TJP1: variants seen among roughly 807,000 people sequenced by gnomAD.
The protein encoded by TJP1 is tight junction protein ZO-1.
Under a neutral mutation model 194.2 loss-of-function variants are expected in TJP1, and 43 were observed. The ratio of observed to expected loss-of-function variants is 0.22; its 90% CI spans 0.17 to 0.29. The LOEUF (loss-of-function observed/expected upper bound fraction) is 0.29. Ranked by LOEUF, TJP1 falls within the 10% of genes least tolerant of loss-of-function variation. The pLI is 1.00. For synonymous variants in TJP1, 801 were observed against 779.0 expected (o/e 1.03, Z -0.47); for missense variants, 1,971 against 2,185.7 (o/e 0.90, Z 1.96).
At chr15:29,768,309 C>A (rs80268621) in intron 4 of TJP1, among the ~76,000 whole-genome samples, 3,333 of 152,324 alleles carry the variant, frequency 0.022, 121 homozygotes, top group African/African-American at 0.077. Context: ...ATTGGAGCAA[C>A]CCACAGCTGA....
At chr15:29,786,504 C>CTTTTTG (rs1208687145) in intron 2 of TJP1, among the ~76,000 whole-genome samples, 1 of 152,088 alleles carries the variant, frequency 6.6e-6, no homozygotes, top group Non-Finnish European at 1.5e-5. Flanking sequence ...GTTCCATAAA[C>CTTTTTG]TTTTTGTTTT....
At chr15:29,928,010 G>A (rs898583695) in intron 2 of TJP1, among the ~76,000 whole-genome samples, 1 of 151,836 alleles carries the variant, frequency 6.6e-6, no homozygotes, top group Admixed American at 6.6e-5. Context: ...CATCTCGGAG[G>A]AGAAATATCT....
chr15:29,767,895 T>C (rs1345667437), intron 4 of TJP1, among the ~76,000 whole-genome samples: 2 of 152,202 alleles, frequency 1.3e-5, no homozygotes, highest in African/African-American at 2.4e-5. Flanking sequence ...TTCTCATCCC[T>C]ACCTACCTCT....
intron 2 of TJP1, among the ~76,000 whole-genome samples, chr15:29,867,940 C>T (rs543653392): frequency 6.6e-6 from 1 of 151,736 alleles, no homozygotes; most frequent in East Asian, 1.9e-4. Context: ...CCAGTAGTCC[C>T]AGCTACTTGG....
At chr15:29,872,143 G>A (rs1295629454) in intron 2 of TJP1, among the ~76,000 whole-genome samples, 1 of 152,150 alleles carries the variant, frequency 6.6e-6, no homozygotes, top group Admixed American at 6.5e-5. Flanking sequence ...AAGACTCCTT[G>A]ATACCATTTC....
intron 2 of TJP1, among the ~76,000 whole-genome samples, chr15:29,831,210 A>G (rs147164286): frequency 8.7e-4 from 133 of 152,358 alleles, no homozygotes; most frequent in African/African-American, 2.9e-3. Flanking sequence ...AAATAACTCT[A>G]ATTGCTGAGG....
At chr15:29,739,729 G>C (rs1470768989) in intron 10 of TJP1, among the ~76,000 whole-genome samples, 1 of 152,130 alleles carries the variant, frequency 6.6e-6, no homozygotes, top group African/African-American at 2.4e-5. Context: ...ACAGGCATGA[G>C]CCACTGCGCC....
rs1021004269 is a variant in TJP1 at position 29,746,317 on chromosome 15, G to C, written c.1011-3536C>G. Among the ~76,000 whole-genome samples, 6 of 152,110 alleles carry C rather than the reference G, an allele frequency of 3.9e-5. No individual in the cohort carries two copies. In the South Asian group the frequency reaches 1.2e-3, roughly 32 times the overall value. On this transcript the variant is annotated intron_variant, in intron 8 of 27. Transcript: ENST00000614355. ...GGCGTGAACCCGGGAGGCGGAGCTT[G>C]CAGTGAGCCCAGATGGAGCCACTGC...
At chr15:29,743,154 A>G (rs1178856735) in intron 8 of TJP1, 1 of 157,340 alleles carries the variant, frequency 6.4e-6, no homozygotes, top group Non-Finnish European at 1.4e-5. Flanking sequence ...CTGATTTCAG[A>G]TGAAATCAAG....
At chr15:29,909,523 TAAGTCCTTGGAAATATTACC>T (rs2053949300) in intron 2 of TJP1, among the ~76,000 whole-genome samples, 1 of 152,010 alleles carries the variant, frequency 6.6e-6, no homozygotes, top group Non-Finnish European at 1.5e-5. Flanking sequence ...GGAAAGAACC[TAAGTCCTTGGAAATATTACC>T]AAGCCTACCC....
intron 2 of TJP1, among the ~76,000 whole-genome samples, chr15:29,783,271 T>C (rs1178423168): frequency 6.6e-6 from 1 of 151,954 alleles, no homozygotes; most frequent in Non-Finnish European, 1.5e-5. Context: ...CAAAACTCCA[T>C]CTCAAAGAAA....
At chr15:29,821,286 G>C (rs750803481) in intron 1 of TJP1, 4 of 152,128 alleles carry the variant, frequency 2.6e-5, no homozygotes, top group Non-Finnish European at 4.4e-5. Context: ...TTTTTCGGCT[G>C]AACTCACCGG....
At chr15:29,920,179 C>T (rs1023394167) in intron 2 of TJP1, among the ~76,000 whole-genome samples, 15 of 152,190 alleles carry the variant, frequency 9.9e-5, no homozygotes, top group African/African-American at 3.4e-4. Flanking sequence ...CTCACTGGGG[C>T]CTGCTTCAGA....
upstream of TJP1, among the ~76,000 whole-genome samples, chr15:29,826,443 G>A (rs2050678786): frequency 6.6e-6 from 1 of 152,118 alleles, no homozygotes; most frequent in Admixed American, 6.6e-5. Context: ...ACTTTCCTAT[G>A]ATTCCTTTAA....
chr15:29,860,290 C>T (rs1424134093), intron 2 of TJP1, among the ~76,000 whole-genome samples: 2 of 152,156 alleles, frequency 1.3e-5, no homozygotes, highest in Middle Eastern at 3.2e-3. Context: ...CACTCCTGTT[C>T]CCTGGTTCCA....
chr15:29,933,775 G>C (rs1049014955), intron 2 of TJP1, among the ~76,000 whole-genome samples: 11 of 152,112 alleles, frequency 7.2e-5, no homozygotes, highest in African/African-American at 2.4e-4. Flanking sequence ...GAAGAGAGAA[G>C]TAAACAAAAA....
At chr15:29,965,170 TC>T (rs1174998333) in intron 1 of TJP1, among the ~76,000 whole-genome samples, 5 of 149,818 alleles carry the variant, frequency 3.3e-5, no homozygotes, top group African/African-American at 1.2e-4. Flanking sequence ...TGACCAGTTT[TC>T]ATAATACATC....
chr15:29,748,930 G>A (rs1396245164), intron 8 of TJP1, among the ~76,000 whole-genome samples: 1 of 35,292 alleles, frequency 2.8e-5, no homozygotes, highest in African/African-American at 6.1e-5. Context: ...AAATGTGTGT[G>A]TGTGTGTGTG....
At chr15:29,768,579 G>A (rs187535652) in intron 4 of TJP1, among the ~76,000 whole-genome samples, 1 of 152,196 alleles carries the variant, frequency 6.6e-6, no homozygotes, top group African/African-American at 2.4e-5. Flanking sequence ...GAGATGACGT[G>A]CATTATATGG....
Sources: gnomAD v4.1 joint callset for allele counts (sites outside exome capture counted in the v4.1 genomes callset) on GRCh38, gnomAD v4.1.1 for gene constraint, MANE v1.5 for transcripts, NCBI Gene and HGNC (gene_info 2026-07-23, HGNC 2026-07-21) for gene names.